The following ACTR2 variants were observed in gnomAD, a reference collection of about 807,000 sequenced individuals.
ACTR2 encodes actin related protein 2, also known as actin-related protein 2.
A neutral mutation model predicts 50.2 loss-of-function variants in ACTR2; 5 were observed. The ratio of observed to expected loss-of-function variants is 0.10; its 90% CI spans 0.05 to 0.21. ACTR2 has a LOEUF of 0.21. Ranked by LOEUF, ACTR2 falls within the 10% of genes least tolerant of loss-of-function variation. The pLI is 1.00. For synonymous variants in ACTR2, 140 were observed against 162.9 expected, an observed-to-expected ratio of 0.86 and a Z score of 1.07; for missense variants, 180 against 480.6, an observed-to-expected ratio of 0.37 and a Z score of 5.85.
At chr2:65,259,288 A>G (rs915490790) in intron 6 of ACTR2, among the ~76,000 whole-genome samples, 6 of 151,992 alleles carry the variant, frequency 3.9e-5, no homozygotes, top group African/African-American at 1.5e-4. Context: ...CAGCCATAGT[A>G]GTGTGCATCT....
chr2:65,265,260 G>A (rs113963819), intron 8 of ACTR2, 85 bp downstream of exon 8: 16 of 1,490,524 alleles, frequency 1.1e-5, no homozygotes, highest in Non-Finnish European at 1.5e-5. Context: ...ACCAGAGGGA[G>A]CAAGACGTCT....
chr2:65,247,969 G>T (rs1671970760), intron 3 of ACTR2, among the ~76,000 whole-genome samples: 1 of 152,174 alleles, frequency 6.6e-6, no homozygotes, highest in African/African-American at 2.4e-5. Flanking sequence ...CCAGATAAAG[G>T]GAGTAGCCAG....
chr2:65,253,080 A>T (rs562147895), intron 4 of ACTR2, among the ~76,000 whole-genome samples: 5 of 152,182 alleles, frequency 3.3e-5, no homozygotes, highest in African/African-American at 1.2e-4. Flanking sequence ...AACACACAGT[A>T]TATGTTATTT....
intron 8 of ACTR2, among the ~76,000 whole-genome samples, chr2:65,266,165 C>A (rs1672369334): frequency 6.6e-6 from 1 of 152,108 alleles, no homozygotes; most frequent in Non-Finnish European, 1.5e-5. Flanking sequence ...AAAACAGAAT[C>A]CCTGCTTTTA....
At chr2:65,265,014 C>G in intron 7 of ACTR2, 29 bp from the exon 8 acceptor site, 1 of 1,612,948 alleles carries the variant, frequency 6.2e-7, no homozygotes, top group Non-Finnish European at 8.5e-7. Flanking sequence ...ACCTAAAACT[C>G]CAAATGAATA....
intron 8 of ACTR2, among the ~76,000 whole-genome samples, chr2:65,267,614 T>G (rs1056449083): frequency 2.0e-5 from 3 of 152,192 alleles, no homozygotes; most frequent in Admixed American, 6.5e-5. Flanking sequence ...CCTAGACACT[T>G]AATAGTAGCT....
intron 6 of ACTR2, among the ~76,000 whole-genome samples, chr2:65,256,687 C>G (rs978802015): frequency 6.6e-6 from 1 of 152,128 alleles, no homozygotes; most frequent in African/African-American, 2.4e-5. Flanking sequence ...GCCTGGCCAA[C>G]ATGGTGAAAC....
chr2:65,266,348 G>A (rs1672372373), intron 8 of ACTR2, among the ~76,000 whole-genome samples: 1 of 152,192 alleles, frequency 6.6e-6, no homozygotes, highest in Admixed American at 6.5e-5. Flanking sequence ...AGAGGAGTGA[G>A]CCTTGTGACT....
chr2:65,240,257 T>C, intron 2 of ACTR2, among the ~76,000 whole-genome samples: 1 of 152,246 alleles, frequency 6.6e-6, no homozygotes, highest in East Asian at 1.9e-4. Context: ...TCCTATTACA[T>C]AATATAATTT....
rs1367181069 is a variant in ACTR2 at position 65,270,953 on chromosome 2, CTA to C, written c.*2221_*2222del. 6.6e-6 allele frequency: 1 copy of C among 151,584 alleles called. No homozygotes were observed. The highest frequency in any genetic ancestry group is 1.5e-5 in the Non-Finnish European group (1 of 67,952). The allele number at this position is 151,584 out of a possible 1,614,324, so 9.4% of individuals were successfully genotyped here. On this transcript the variant is annotated 3_prime_UTR_variant, in exon 9 of 9. Transcript: ENST00000260641. ...GCAATCTGATTCTTAGCTCTTGAAA[CTA>C]TTGCTACTTAAATTTCCAATAATTA...
chr2:65,251,015 C>T lies in ACTR2; in HGVS notation c.376-12C>T. On this transcript the variant is annotated splice_polypyrimidine_tract_variant and intron_variant, in intron 3 of 8. Coordinates refer to ENST00000260641, the MANE Select transcript of ACTR2 (RefSeq NM_005722.4). ...TAAATACCAGTTTTTTTCTTTCTGT[C>T]TGCATTTACAGGTAATGTTTGAAAC... is the stretch of plus-strand genomic sequence containing the variant. 2 of 1,576,432 alleles carry T rather than the reference C, an allele frequency of 1.3e-6. No homozygotes were observed. The highest frequency in any genetic ancestry group is 1.9e-5 in the Admixed American group (1 of 53,030).
chr2:65,241,550 A>G (rs1243706262), intron 2 of ACTR2, among the ~76,000 whole-genome samples: 1 of 152,178 alleles, frequency 6.6e-6, no homozygotes. Flanking sequence ...TTGTAAGCCT[A>G]TCAAGTTAAA....
intron 4 of ACTR2, among the ~76,000 whole-genome samples, chr2:65,252,152 G>C (rs557730104): frequency 7.9e-5 from 12 of 152,154 alleles, no homozygotes; most frequent in African/African-American, 2.9e-4. Context: ...GGGCTCTTTG[G>C]GAAATAAAAT....
chr2:65,230,546 G>A (rs1050869051), intron 1 of ACTR2, among the ~76,000 whole-genome samples: 2 of 151,498 alleles, frequency 1.3e-5, no homozygotes, highest in African/African-American at 2.4e-5. Flanking sequence ...CGAGTAGCTG[G>A]GACTACAGGC....
Position 65,242,757 on chromosome 2 carries a change from G to T in ACTR2, c.159+2795G>T, listed in dbSNP as rs1671865005. ...TATCTCAGACATTTAACTCTTCATTGTATTTTTCTGTGATAGTCTAAGTGC... is the reference window on the plus strand; with the variant it reads ...TATCTCAGACATTTAACTCTTCATTTTATTTTTCTGTGATAGTCTAAGTGC... On this transcript the variant is annotated intron_variant, in intron 2 of 8. Coordinates refer to ENST00000260641, the MANE Select transcript of ACTR2 (RefSeq NM_005722.4). 6 of 376,952 alleles carry T rather than the reference G, an allele frequency of 1.6e-5. No individual in the cohort carries two copies. The Admixed American group carries it at 1.7e-4, about 10-fold the overall frequency. 23.4% of individuals were successfully genotyped at this position (376,952 alleles called of 1,614,324 possible).
intron 7 of ACTR2, among the ~76,000 whole-genome samples, chr2:65,261,909 C>T (rs577076937): frequency 5.3e-5 from 8 of 152,132 alleles, no homozygotes; most frequent in Non-Finnish European, 1.0e-4. Context: ...GTTACCTTTC[C>T]TCTTTTTGAT....
At chr2:65,229,421 T>C (rs1466358019) in intron 1 of ACTR2, among the ~76,000 whole-genome samples, 3 of 152,110 alleles carry the variant, frequency 2.0e-5, no homozygotes, top group Non-Finnish European at 4.4e-5. Flanking sequence ...GGTAGCTTCA[T>C]CTGAACTGTG....
intron 2 of ACTR2, among the ~76,000 whole-genome samples, chr2:65,243,834 T>C (rs991334122): frequency 2.0e-5 from 3 of 152,194 alleles, no homozygotes; most frequent in Non-Finnish European, 4.4e-5. Context: ...GTGATTTTTT[T>C]CATTGTTTCA....
chr2:65,249,941 T>A (rs534096207), intron 3 of ACTR2, among the ~76,000 whole-genome samples: 109 of 152,320 alleles, frequency 7.2e-4, no homozygotes, highest in African/African-American at 2.4e-3. Context: ...CTGGGTTTTT[T>A]ATTTTTTCTT....
Sources: allele counts gnomAD v4.1 joint callset (sites outside exome capture counted in the v4.1 genomes callset), GRCh38; gene constraint gnomAD v4.1.1; transcripts MANE v1.5; gene names NCBI Gene and HGNC (gene_info 2026-07-23, HGNC 2026-07-21).